Variants in ADGRB1 observed in about 807,000 individuals in gnomAD.
ADGRB1 encodes the protein adhesion G protein-coupled receptor B1, also known as brain-specific angiogenesis inhibitor 1.
A neutral mutation model predicts 175.7 loss-of-function variants in ADGRB1; 36 were observed. The observed-to-expected ratio is 0.20, with a 90% CI of 0.16 to 0.27. The LOEUF (loss-of-function observed/expected upper bound fraction) is 0.27, where lower values mean the gene tolerates loss of function less well. ADGRB1 is among the 10% of genes least tolerant of loss of function. The pLI, the probability that ADGRB1 is intolerant of heterozygous loss-of-function variation, is 1.00. For synonymous variants in ADGRB1, 1,054 were observed against 979.4 expected (o/e 1.08, Z -1.42); for missense variants, 1,731 against 2,255.3 (o/e 0.77, Z 4.71).
intron 1 of ADGRB1, 69 bp downstream of exon 1, chr8:142,450,173 G>A (rs1362764980): frequency 1.3e-5 from 2 of 149,276 alleles, no homozygotes; most frequent in Non-Finnish European, 3.0e-5. Context: ...GGAGGGGGTC[G>A]GGGGAGGGGC....
chr8:142,544,338 G>T lies in ADGRB1; in HGVS notation c.4676G>T (p.Arg1559Leu). The change falls in exon 31 of 31, where the codon CGC becomes CTC. Residue 1559 changes from arginine (R) to leucine (L), a missense_variant. Physicochemically the swap from Arg to Leu is moderately radical, Grantham distance 102 (BLOSUM62 -2). Around this residue, in one of 8 missense-constraint regions of ADGRB1, gnomAD observed 394 missense variants for 410.2 expected, o/e 0.96. Coordinates refer to ENST00000517894, the MANE Select transcript of ADGRB1 (RefSeq NM_001702.3). ...EPLQPSPLEL[R>L]SVEWERSGAT... ...CTGCAGCCGTCGCCGCTGGAGCTTC[G>T]CAGCGTGGAGTGGGAGAGGTCGGGC... 6.5e-7 allele frequency: 1 copy of T among 1,547,662 alleles called. No individual in the cohort carries two copies. The highest frequency in any genetic ancestry group is 8.7e-7 in the Non-Finnish European group (1 of 1,145,740).
chr8:142,477,013 C>T (rs1330949084), intron 4 of ADGRB1, 101 bp from the exon 5 acceptor site: 2 of 1,398,736 alleles, frequency 1.4e-6, no homozygotes, highest in Non-Finnish European at 1.9e-6. Flanking sequence ...AGCCCCGCTG[C>T]CTGCTCCCCA....
Position 142,455,574 on chromosome 8 carries a change from G to A in ADGRB1, c.-220+5470G>A, listed in dbSNP as rs1354003603. Among the ~76,000 whole-genome samples, 1 of 152,190 alleles carries A rather than the reference G, an allele frequency of 6.6e-6. No individual in the cohort carries two copies. The highest frequency in any genetic ancestry group is 1.5e-5 in the Non-Finnish European group (1 of 68,042). On this transcript the variant is annotated intron_variant, in intron 1 of 30. Coordinates refer to ENST00000517894, the MANE Select transcript of ADGRB1 (RefSeq NM_001702.3). This position sits in a 1 kb window ranked among gnomAD's most constrained non-coding sequence, Gnocchi z 4.9. ...ACAGCTGAGGTCAGGAGGACCCAGGGATTACTGGGAGCTCAGAGACTGGGG... is the reference window on the plus strand; with the variant it reads ...ACAGCTGAGGTCAGGAGGACCCAGGAATTACTGGGAGCTCAGAGACTGGGG...
Position 142,493,220 on chromosome 8 carries a change from G to A in ADGRB1, c.2675+2405G>A, listed in dbSNP as rs1842062124. 6.6e-6 allele frequency among the ~76,000 whole-genome samples: 1 copy of A among 152,096 alleles called. No individual in the cohort carries two copies. The highest frequency in any genetic ancestry group is 1.5e-5 in the Non-Finnish European group (1 of 67,994). On this transcript the variant is annotated intron_variant, in intron 17 of 30. Coordinates refer to ENST00000517894, the MANE Select transcript of ADGRB1 (RefSeq NM_001702.3). This position sits in a 1 kb window ranked among gnomAD's most constrained non-coding sequence, Gnocchi z 5.0. ...AGGCTGTGAGGGGCCTGTCCAGTGAGCCGGGACAAGGACACTGCCCCAGGG... is the reference window on the plus strand; with the variant it reads ...AGGCTGTGAGGGGCCTGTCCAGTGAACCGGGACAAGGACACTGCCCCAGGG...
chr8:142,464,999 G>A lies in ADGRB1; in HGVS notation c.784+17G>A. Reference sequence around the variant, plus strand: ...GCGCCACAGGTGAGTGACTGGCGGGGAAACCTTCGGACAGGGGAGGTGGGC... The same window carrying A: ...GCGCCACAGGTGAGTGACTGGCGGGAAAACCTTCGGACAGGGGAGGTGGGC... On this transcript the variant is annotated intron_variant, in intron 2 of 30. Transcript: ENST00000517894. 3 of 1,357,824 alleles carry A rather than the reference G, an allele frequency of 2.2e-6. No individual in the cohort carries two copies. Among genetic ancestry groups the A allele is most frequent in the Non-Finnish European group, 2.9e-6 (3 of 1,044,500 alleles). The allele number at this position is 1,357,824 out of a possible 1,614,324, so 84.1% of individuals were successfully genotyped here.
At chr8:142,532,034 A>G (rs1844650537) in intron 24 of ADGRB1, among the ~76,000 whole-genome samples, 1 of 152,114 alleles carries the variant, frequency 6.6e-6, no homozygotes, top group Non-Finnish European at 1.5e-5. Flanking sequence ...AGGTCATTCC[A>G]GCATCTCTCC....
chr8:142,471,754 C>T (rs1338564320), intron 2 of ADGRB1, among the ~76,000 whole-genome samples: 1 of 152,240 alleles, frequency 6.6e-6, no homozygotes, highest in South Asian at 2.1e-4. Flanking sequence ...TCTGCTGGTG[C>T]CCGCCTCTGT....
intron 27 of ADGRB1, among the ~76,000 whole-genome samples, chr8:142,541,042 C>T (rs1315006448): frequency 6.6e-6 from 1 of 152,022 alleles, no homozygotes; most frequent in Non-Finnish European, 1.5e-5. Context: ...CACAGGCACC[C>T]AGGGCTGGCT....
intron 16 of ADGRB1, among the ~76,000 whole-genome samples, chr8:142,489,832 G>T (rs2131879126): frequency 6.6e-6 from 1 of 152,240 alleles, no homozygotes; most frequent in East Asian, 1.9e-4. Context: ...CTGACACCAG[G>T]CCTCGCCTGC....
At chr8:142,498,153 G>GC (rs1398999958) in intron 17 of ADGRB1, among the ~76,000 whole-genome samples, 2 of 152,034 alleles carry the variant, frequency 1.3e-5, no homozygotes, top group African/African-American at 4.8e-5. Context: ...CCACTGCCCT[G>GC]CCCCCCTACC....
At chr8:142,530,527 G>A (rs1216310957) in intron 24 of ADGRB1, among the ~76,000 whole-genome samples, 1 of 152,184 alleles carries the variant, frequency 6.6e-6, no homozygotes, top group Non-Finnish European at 1.5e-5. Context: ...GGGGTCCAGG[G>A]TTTTAGGAGC....
Position 142,511,048 on chromosome 8 carries a change from T to C in ADGRB1, c.2792T>C (p.Ile931Thr). Residue 931 changes from isoleucine (I) to threonine (T), a missense_variant, in exon 18 of 31, where the codon ATC (isoleucine) becomes ACC (threonine). By Grantham distance (89) the Ile-to-Thr change is moderately conservative. This residue lies in a region of ADGRB1 where 77 missense variants were observed against 71.6 expected (regional missense o/e 1.08). Transcript: ENST00000517894. This position sits in a 1 kb window ranked among gnomAD's most constrained non-coding sequence, Gnocchi z 4.5. ...TGTGACCGGCTCTCCACCTTCGCCA[T>C]CTTAGCCCAGCTCAGCGCCGACGCG... is the stretch of plus-strand genomic sequence containing the variant. Reference protein sequence around the residue: ...CLCDRLSTFAILAQLSADANM... With the variant: ...CLCDRLSTFATLAQLSADANM... The C allele has an allele frequency of 1.6e-6, 2 of 1,274,664 alleles. No homozygotes were observed. The highest frequency in any genetic ancestry group is 1.0e-6 in the Non-Finnish European group (1 of 992,192). The allele number at this position is 1,274,664 out of a possible 1,614,324, so 79.0% of individuals were successfully genotyped here.
At position 142,489,020 on chromosome 8, in the gene ADGRB1, T is replaced by C. The variant is rs1841852408; in HGVS notation, c.2453-15T>C. The C allele has an allele frequency of 7.5e-6, 12 of 1,610,622 alleles. No homozygotes were observed. The highest frequency in any genetic ancestry group is 1.0e-5 in the Non-Finnish European group (12 of 1,179,106). On this transcript the variant is annotated splice_polypyrimidine_tract_variant and intron_variant, in intron 14 of 30. Transcript: ENST00000517894. ...GGGGATGGCGGGCCGGGGTTGACAG[T>C]GCACTTTCTTCCAGAGGCCGATGAA...
chr8:142,537,045 CAGG>C lies in ADGRB1; in HGVS notation c.3630_3632del (p.Gly1212del), dbSNP rs1327403934. 1 of 1,584,614 alleles carries C rather than the reference CAGG, an allele frequency of 6.3e-7. No homozygotes were observed. The highest frequency in any genetic ancestry group is 1.7e-5 in the Admixed American group (1 of 57,348). ...CGGCAGGAGGAGGGCAACGGGGACT[CAGG>C]GGGCTCCTTCCAGAACGGCCACGCC... On this transcript the variant is annotated inframe_deletion, in exon 26 of 31. Transcript: ENST00000517894. This position sits in a 1 kb window ranked among gnomAD's most constrained non-coding sequence, Gnocchi z 4.6.
intron 17 of ADGRB1, among the ~76,000 whole-genome samples, chr8:142,506,471 C>T (rs1842858873): frequency 6.6e-6 from 1 of 152,212 alleles, no homozygotes; most frequent in Admixed American, 6.5e-5. Flanking sequence ...GTAACTGACC[C>T]AGATTCCTCA....
At chr8:142,450,393 C>T (rs2131596705) in intron 1 of ADGRB1, among the ~76,000 whole-genome samples, 1 of 152,200 alleles carries the variant, frequency 6.6e-6, no homozygotes, top group East Asian at 2.0e-4. Context: ...TCCTCGGCGC[C>T]GCCGCCTCCT....
chr8:142,469,353 C>G (rs113671591), intron 2 of ADGRB1, among the ~76,000 whole-genome samples: 14 of 139,982 alleles, frequency 1.0e-4, no homozygotes, highest in African/African-American at 1.4e-4. Context: ...GTGGGAGTGT[C>G]TATGTGCACG....
At chr8:142,453,921 G>C (rs1839507442) in intron 1 of ADGRB1, among the ~76,000 whole-genome samples, 1 of 152,224 alleles carries the variant, frequency 6.6e-6, no homozygotes, top group Admixed American at 6.5e-5. Context: ...CAAAGGCCCT[G>C]GGGCAGGGCA....
intron 3 of ADGRB1, 56 bp from the exon 4 acceptor site, chr8:142,476,529 A>G (rs1377755520): frequency 6.7e-7 from 1 of 1,481,750 alleles, no homozygotes; most frequent in Non-Finnish European, 9.2e-7. Flanking sequence ...GTGGCCACAG[A>G]GAGAGAGGAC....
Sources: gnomAD v4.1 joint callset for allele counts (sites outside exome capture counted in the v4.1 genomes callset) on GRCh38, gnomAD v4.1.1 for gene constraint, gnomAD v4.1.1 regional missense constraint, Gnocchi (gnomAD v3.1) non-coding constraint, MANE v1.5 for transcripts, NCBI Gene and HGNC (gene_info 2026-07-23, HGNC 2026-07-21) for gene names.